CNKSR3: variants seen among roughly 807,000 people sequenced by gnomAD.
CNKSR3 encodes the protein CNKSR family member 3.
CNKSR3 carries 36 observed loss-of-function variants against 67.7 expected under a neutral mutation model. The observed-to-expected ratio is 0.53, with a 90% CI of 0.41 to 0.70. The LOEUF (loss-of-function observed/expected upper bound fraction) is 0.70. CNKSR3 is among the 30% of genes least tolerant of loss of function. The probability of loss-of-function intolerance (pLI) is 0.00; values close to 1 mark genes in which losing one functional copy is unlikely to be tolerated. For missense variants in CNKSR3, 630 were observed against 695.2 expected, an observed-to-expected ratio of 0.91 and a Z score of 1.05; for synonymous variants, 281 against 271.4, an observed-to-expected ratio of 1.04 and a Z score of -0.35.
At chr6:154,503,444 C>T (rs1787037236) in intron 1 of CNKSR3, among the ~76,000 whole-genome samples, 1 of 151,922 alleles carries the variant, frequency 6.6e-6, no homozygotes, top group African/African-American at 2.4e-5. Context: ...TGGGCAATAC[C>T]ACAAGACCCA....
At position 154,461,914 on chromosome 6, in the gene CNKSR3, C is replaced by G. The variant is rs192396384; in HGVS notation, c.53-11656G>C. ...AATCTCATATTATCCGCAACCGATG[C>G]CTTTTACTTCCTGAAGTGGCAGGAG... is the stretch of plus-strand genomic sequence containing the variant. On this transcript the variant is annotated intron_variant, in intron 1 of 12. Transcript: ENST00000607772. Among the ~76,000 whole-genome samples, 4 of 152,224 alleles carry G rather than the reference C, an allele frequency of 2.6e-5. No homozygotes were observed. In the East Asian group the frequency reaches 5.8e-4, roughly 22 times the overall value.
At chr6:154,422,469 C>A (rs759270236) in intron 9 of CNKSR3, 37 bp downstream of exon 9, 3 of 1,598,266 alleles carry the variant, frequency 1.9e-6, no homozygotes, top group African/African-American at 2.7e-5. Flanking sequence ...AGATACTCAA[C>A]ATTGTTGGAT....
intron 1 of CNKSR3, among the ~76,000 whole-genome samples, chr6:154,489,530 C>CAAAA (rs943177499): frequency 8.7e-6 from 1 of 115,284 alleles, no homozygotes; most frequent in African/African-American, 3.0e-5. Flanking sequence ...GAGTCCATCT[C>CAAAA]AAAACAAACA....
intron 10 of CNKSR3, among the ~76,000 whole-genome samples, chr6:154,411,790 C>T (rs573098323): frequency 8.5e-5 from 13 of 152,058 alleles, no homozygotes; most frequent in African/African-American, 2.4e-4. Flanking sequence ...TATGCTCTAG[C>T]GAACCACGTT....
At chr6:154,459,541 G>A (rs1476289639) in intron 1 of CNKSR3, among the ~76,000 whole-genome samples, 4 of 152,230 alleles carry the variant, frequency 2.6e-5, no homozygotes, top group African/African-American at 9.6e-5. Flanking sequence ...CAAATACGTA[G>A]TAATGAGCCC....
At chr6:154,464,525 G>A (rs1318251946) in intron 1 of CNKSR3, among the ~76,000 whole-genome samples, 1 of 151,870 alleles carries the variant, frequency 6.6e-6, no homozygotes, top group East Asian at 1.9e-4. Context: ...GACCATCCTG[G>A]CCAACATGGT....
chr6:154,479,965 C>T lies in CNKSR3; in HGVS notation c.53-29707G>A, dbSNP rs558380947. On this transcript the variant is annotated intron_variant, in intron 1 of 12. Coordinates refer to ENST00000607772, the MANE Select transcript of CNKSR3 (RefSeq NM_173515.4). ...TGAACAGACTGGGGGTTTAACTGCACTGCAGTGGCCCTTGTGGGGCAGGAA... is the reference window on the plus strand; with the variant it reads ...TGAACAGACTGGGGGTTTAACTGCATTGCAGTGGCCCTTGTGGGGCAGGAA... Among the ~76,000 whole-genome samples the T allele has an allele frequency of 2.0e-5, 3 of 152,338 alleles. No homozygotes were observed. The South Asian group carries it at 6.2e-4, about 32-fold the overall frequency.
intron 1 of CNKSR3, among the ~76,000 whole-genome samples, chr6:154,488,794 G>A (rs1311623502): frequency 2.6e-5 from 4 of 152,190 alleles, no homozygotes; most frequent in African/African-American, 7.2e-5. Context: ...GGGGTGACAG[G>A]AGCAGAAAAA....
intron 1 of CNKSR3, among the ~76,000 whole-genome samples, chr6:154,472,999 T>A (rs1786364751): frequency 6.6e-6 from 1 of 151,924 alleles, no homozygotes. Flanking sequence ...TGGAGGGAAG[T>A]TGGTGATGAA....
chr6:154,415,535 T>C (rs1333083662), intron 9 of CNKSR3, among the ~76,000 whole-genome samples: 1 of 152,164 alleles, frequency 6.6e-6, no homozygotes, highest in African/African-American at 2.4e-5. Context: ...ACAGCCCTTA[T>C]TAGCTGTTTA....
intron 1 of CNKSR3, among the ~76,000 whole-genome samples, chr6:154,481,615 G>A (rs992736082): frequency 6.6e-6 from 1 of 152,182 alleles, no homozygotes; most frequent in African/African-American, 2.4e-5. Context: ...CTGTCTCCCT[G>A]AGAATGACAT....
intron 1 of CNKSR3, among the ~76,000 whole-genome samples, chr6:154,466,786 A>ATT (rs368521995): frequency 0.032 from 4,374 of 137,796 alleles, 192 homozygotes; most frequent in African/African-American, 0.094. Flanking sequence ...CGCCCAGCTA[A>ATT]TTTTTTTGTT....
chr6:154,495,132 C>T (rs375703123), intron 1 of CNKSR3, among the ~76,000 whole-genome samples: 1 of 152,134 alleles, frequency 6.6e-6, no homozygotes, highest in African/African-American at 2.4e-5. Flanking sequence ...ACACATTTCG[C>T]GTGCCAGGCT....
At chr6:154,461,708 G>GTA (rs1406287436) in intron 1 of CNKSR3, among the ~76,000 whole-genome samples, 1 of 152,184 alleles carries the variant, frequency 6.6e-6, no homozygotes, top group African/African-American at 2.4e-5. Flanking sequence ...AAATTACCAG[G>GTA]TATATAGTAA....
At chr6:154,487,936 T>C (rs1434036965) in intron 1 of CNKSR3, among the ~76,000 whole-genome samples, 1 of 152,224 alleles carries the variant, frequency 6.6e-6, no homozygotes, top group Admixed American at 6.5e-5. Flanking sequence ...ATCACTTGAC[T>C]TTGAGATGAA....
chr6:154,506,486 AG>A (rs1246933355), intron 1 of CNKSR3, among the ~76,000 whole-genome samples: 5 of 152,240 alleles, frequency 3.3e-5, no homozygotes, highest in African/African-American at 1.2e-4. Context: ...AACTCTTTAA[AG>A]GGGAAGACTT....
intron 1 of CNKSR3, among the ~76,000 whole-genome samples, chr6:154,453,514 T>A (rs1343038089): frequency 6.6e-6 from 1 of 152,172 alleles, no homozygotes; most frequent in African/African-American, 2.4e-5. Context: ...GATGTAGAAT[T>A]ATCAAGCAGA....
intron 12 of CNKSR3, among the ~76,000 whole-genome samples, chr6:154,408,266 G>A (rs1584049067): frequency 6.6e-6 from 1 of 152,042 alleles, no homozygotes; most frequent in Non-Finnish European, 1.5e-5. Context: ...CTCGTGATCC[G>A]CCTGCCTTGG....
rs145122066 is a variant in CNKSR3 at position 154,414,407 on chromosome 6, G to A, written c.962C>T (p.Ala321Val). ...AGTGCTTTCAGGGGACTGGGTTGTC[G>A]CGGGTGGAGGTGAGGTCTGAAACAG... Reference protein sequence around the residue: ...PPLVQTSPPPATTQSPESTMD... With the variant: ...PPLVQTSPPPVTTQSPESTMD... Residue 321 changes from alanine to valine, a missense_variant, in exon 10 of 13, where the codon GCG becomes GTG. Physicochemically the swap from Ala to Val is moderately conservative, Grantham distance 64. Coordinates refer to ENST00000607772, the MANE Select transcript of CNKSR3 (RefSeq NM_173515.4). 250 of 1,596,874 alleles carry A rather than the reference G, an allele frequency of 1.6e-4. No homozygotes were observed. The highest frequency in any genetic ancestry group is 3.3e-4 in the Middle Eastern group (2 of 5,976).
Sources: allele counts gnomAD v4.1 joint callset (sites outside exome capture counted in the v4.1 genomes callset), GRCh38; gene constraint gnomAD v4.1.1; transcripts MANE v1.5; gene names NCBI Gene and HGNC (gene_info 2026-07-23, HGNC 2026-07-21).